ZNF618: variants seen among roughly 807,000 people sequenced by gnomAD.
ZNF618 encodes neural precursor cell expressed, developmentally down-regulated 10.
In ZNF618, 34 loss-of-function variants were observed where a neutral mutation model predicts 103.0. The observed-to-expected ratio is 0.33, with a 90% CI of 0.25 to 0.44. The LOEUF is 0.44. Ranked by LOEUF, ZNF618 falls within the 20% of genes least tolerant of loss-of-function variation. The pLI, the probability that ZNF618 is intolerant of heterozygous loss-of-function variation, is 1.00. For missense variants in ZNF618, 1,059 were observed against 1,295.4 expected (o/e 0.82, Z 2.80); for synonymous variants, 551 against 542.2 (o/e 1.02, Z -0.23).
At chr9:113,941,521 A>G (rs1005780433) in intron 1 of ZNF618, among the ~76,000 whole-genome samples, 10 of 152,094 alleles carry the variant, frequency 6.6e-5, no homozygotes, top group Admixed American at 1.3e-4. Flanking sequence ...TGCATATCTG[A>G]AGAGGCCATT....
chr9:113,963,804 GGGTGCT>G (rs1169888579), intron 1 of ZNF618, among the ~76,000 whole-genome samples: 2 of 152,180 alleles, frequency 1.3e-5, no homozygotes, highest in Non-Finnish European at 2.9e-5. Flanking sequence ...GCCCTGAGCT[GGGTGCT>G]GGTGACATGG....
At chr9:113,992,305 T>C (rs866080023) in intron 3 of ZNF618, among the ~76,000 whole-genome samples, 27 of 152,236 alleles carry the variant, frequency 1.8e-4, no homozygotes, top group African/African-American at 6.5e-4. Context: ...GAGGAAAGGA[T>C]GAGAGTTGCC....
At chr9:113,880,915 G>C (rs1371215309) in intron 1 of ZNF618, among the ~76,000 whole-genome samples, 1 of 152,154 alleles carries the variant, frequency 6.6e-6, no homozygotes, top group Non-Finnish European at 1.5e-5. Flanking sequence ...TTAACTTTTA[G>C]GTGAACCCTG....
chr9:113,943,078 TAG>T (rs1187818697), intron 1 of ZNF618, among the ~76,000 whole-genome samples: 3 of 151,992 alleles, frequency 2.0e-5, no homozygotes, highest in Admixed American at 6.6e-5. Context: ...GGGAAGGAGA[TAG>T]GGTAGGGGTG....
chr9:113,914,136 T>A (rs1429601016), intron 1 of ZNF618, among the ~76,000 whole-genome samples: 1 of 152,186 alleles, frequency 6.6e-6, no homozygotes, highest in African/African-American at 2.4e-5. Context: ...ACTGAGTTAT[T>A]ACCCCAGGAG....
intron 1 of ZNF618, among the ~76,000 whole-genome samples, chr9:113,893,527 T>C (rs1251691498): frequency 6.6e-6 from 1 of 152,210 alleles, no homozygotes; most frequent in Admixed American, 6.5e-5. Context: ...TTTGTAAGCA[T>C]ATTTTTATTA....
At chr9:113,890,289 C>T (rs761310255) in intron 1 of ZNF618, among the ~76,000 whole-genome samples, 1 of 152,178 alleles carries the variant, frequency 6.6e-6, no homozygotes, top group Non-Finnish European at 1.5e-5. Context: ...GCCGAGATAA[C>T]CGCCCTTCAC....
At chr9:113,940,900 C>T (rs1588103671) in intron 1 of ZNF618, among the ~76,000 whole-genome samples, 1 of 152,028 alleles carries the variant, frequency 6.6e-6, no homozygotes, top group Non-Finnish European at 1.5e-5. Context: ...ATTTATATAT[C>T]GTTCATATTT....
Position 114,055,436 on chromosome 9 carries a change from C to G in ZNF618, c.*5269C>G, listed in dbSNP as rs913724590. ...AGCATCAGGAAATCATTTTGTACAA[C>G]CACCCGAAGCAGAGATATTTTTTAA... is the stretch of plus-strand genomic sequence containing the variant. On this transcript the variant is annotated 3_prime_UTR_variant, in exon 15 of 15. Coordinates refer to ENST00000374126, the MANE Select transcript of ZNF618 (RefSeq NM_001318042.2). 4.6e-5 allele frequency: 7 copies of G among 152,690 alleles called. No individual in the cohort carries two copies. The highest frequency in any genetic ancestry group is 1.7e-4 in the African/African-American group (7 of 41,466). The allele number at this position is 152,690 out of a possible 1,614,324, so 9.5% of individuals were successfully genotyped here. A position where few individuals can be genotyped will look rare whatever the true frequency, so the allele number is the denominator to read the frequency against.
At chr9:114,038,208 C>T (rs948120718) in intron 13 of ZNF618, among the ~76,000 whole-genome samples, 4 of 152,338 alleles carry the variant, frequency 2.6e-5, no homozygotes, top group South Asian at 4.1e-4. Flanking sequence ...CCTCTGAATC[C>T]TCGGCACTCT....
At position 114,049,802 on chromosome 9, in the gene ZNF618, A is replaced by G. The variant is rs753392793; in HGVS notation, c.2500A>G (p.Asn834Asp). The change falls in exon 15 of 15, where the codon AAC (asparagine) becomes GAC (aspartate). Residue 834 changes from asparagine to aspartate, a missense_variant. Coordinates refer to ENST00000374126, the MANE Select transcript of ZNF618 (RefSeq NM_001318042.2). The part of the protein sequence containing the change: ...EIIGKVCELI[N>D]EVKESWAEEA... ...CATCGGCAAGGTCTGTGAGCTCATCAACGAGGTGAAGGAGTCCTGGGCCGA... is the reference window on the plus strand; with the variant it reads ...CATCGGCAAGGTCTGTGAGCTCATCGACGAGGTGAAGGAGTCCTGGGCCGA... 4 of 1,613,880 alleles carry G rather than the reference A, an allele frequency of 2.5e-6. No homozygotes were observed. The highest frequency in any genetic ancestry group is 2.2e-5 in the East Asian group (1 of 44,892).
chr9:114,037,734 G>A lies in ZNF618; in HGVS notation c.1246+1357G>A, dbSNP rs374839342. 2.8e-4 allele frequency among the ~76,000 whole-genome samples: 43 copies of A among 152,314 alleles called. 1 individual carries two copies. The South Asian group carries it at 6.2e-3, about 22-fold the overall frequency. Reference sequence around the variant, plus strand: ...TTAGGCTAAGTACTGTTCTGTTAGCGTAGTCTCTATCATTCATTCATCCAT... The same window carrying A: ...TTAGGCTAAGTACTGTTCTGTTAGCATAGTCTCTATCATTCATTCATCCAT... On this transcript the variant is annotated intron_variant, in intron 13 of 14. Coordinates refer to ENST00000374126, the MANE Select transcript of ZNF618 (RefSeq NM_001318042.2).
chr9:113,933,013 G>A (rs1023234323), intron 1 of ZNF618, among the ~76,000 whole-genome samples: 2 of 152,190 alleles, frequency 1.3e-5, no homozygotes, highest in Non-Finnish European at 1.5e-5. Flanking sequence ...GGACCAAGGA[G>A]CAACCAGCGA....
intron 10 of ZNF618, among the ~76,000 whole-genome samples, chr9:114,018,034 T>C (rs4979325): frequency 0.6 from 91,459 of 152,082 alleles, 28,499 homozygotes; most frequent in East Asian, 0.77. Context: ...TTTCCTTCTC[T>C]GGGCTCTTTT....
At position 114,054,361 on chromosome 9, in the gene ZNF618, C is replaced by A. The variant is rs1229503770; in HGVS notation, c.*4194C>A. ...GCTCCATTGGGGACACTCCCCTCAT[C>A]TTGTCATCACGATGGATATGCTGGA... On this transcript the variant is annotated 3_prime_UTR_variant, in exon 15 of 15. Coordinates refer to ENST00000374126, the MANE Select transcript of ZNF618 (RefSeq NM_001318042.2). 1 of 152,274 alleles carries A rather than the reference C, an allele frequency of 6.6e-6. No homozygotes were observed. The highest frequency in any genetic ancestry group is 1.5e-5 in the Non-Finnish European group (1 of 68,078). The allele number at this position is 152,274 out of a possible 1,614,324, so 9.4% of individuals were successfully genotyped here. A position where few individuals can be genotyped will look rare whatever the true frequency, so the allele number is the denominator to read the frequency against.
chr9:113,976,659 C>T (rs1300354522), intron 2 of ZNF618, among the ~76,000 whole-genome samples: 1 of 152,116 alleles, frequency 6.6e-6, no homozygotes, highest in Non-Finnish European at 1.5e-5. Context: ...CTCCTCCTCA[C>T]TGCTGCATGG....
intron 1 of ZNF618, among the ~76,000 whole-genome samples, chr9:113,892,121 A>G (rs1178390772): frequency 1.3e-5 from 2 of 152,166 alleles, no homozygotes; most frequent in African/African-American, 4.8e-5. Context: ...GTAAAATGAA[A>G]AAGTTGTAGA....
At chr9:113,898,629 G>C (rs1415581571) in intron 1 of ZNF618, among the ~76,000 whole-genome samples, 1 of 151,904 alleles carries the variant, frequency 6.6e-6, no homozygotes, top group Non-Finnish European at 1.5e-5. Flanking sequence ...GTCTTGCTAT[G>C]TTGCCCAGGC....
At chr9:113,919,063 C>A (rs1004399109) in intron 1 of ZNF618, among the ~76,000 whole-genome samples, 23 of 152,160 alleles carry the variant, frequency 1.5e-4, no homozygotes, top group African/African-American at 5.6e-4. Flanking sequence ...CATCTCCTCA[C>A]GTTTTGTCCC....
Sources: allele counts gnomAD v4.1 joint callset (sites outside exome capture counted in the v4.1 genomes callset), GRCh38; gene constraint gnomAD v4.1.1; transcripts MANE v1.5; gene names NCBI Gene and HGNC (gene_info 2026-07-23, HGNC 2026-07-21).